The following C4orf51 variants were observed in gnomAD, a reference collection of about 807,000 sequenced individuals.
C4orf51 encodes chromosome 4 open reading frame 51, also known as uncharacterized protein C4orf51.
A neutral mutation model predicts 25.2 loss-of-function variants in C4orf51; 25 were observed. That is an observed-to-expected ratio of 0.99 (90% CI 0.72 to 1.39). The LOEUF is 1.39. Ranked by LOEUF, C4orf51 falls within the 40% of genes most tolerant of loss-of-function variation. C4orf51 has a pLI of 0.00. For missense variants in C4orf51, 252 were observed against 239.6 expected (o/e 1.05, Z -0.34); for synonymous variants, 100 against 84.5 (o/e 1.18, Z -1.01).
chr4:145,718,755 C>T (rs1731555263), intron 2 of C4orf51, among the ~76,000 whole-genome samples: 1 of 152,238 alleles, frequency 6.6e-6, no homozygotes, highest in Non-Finnish European at 1.5e-5. Context: ...CTTCTCCCAC[C>T]TTTGCTCATC....
the C4orf51 span, among the ~76,000 whole-genome samples, chr4:145,785,962 G>C: frequency 6.6e-6 from 1 of 152,300 alleles, no homozygotes; most frequent in Non-Finnish European, 1.5e-5. Flanking sequence ...AGAGATGTTA[G>C]AAAGTGTAAT....
At chr4:145,687,818 T>A (rs1208633100) in intron 1 of C4orf51, among the ~76,000 whole-genome samples, 1 of 152,030 alleles carries the variant, frequency 6.6e-6, no homozygotes, top group Non-Finnish European at 1.5e-5. Flanking sequence ...ATAGCAGCAA[T>A]ACAAAAGTAA....
downstream of C4orf51, among the ~76,000 whole-genome samples, chr4:145,737,629 C>T (rs1296098733): frequency 6.6e-6 from 1 of 152,164 alleles, no homozygotes; most frequent in African/African-American, 2.4e-5. Flanking sequence ...TGCTCTCTCT[C>T]TCTGCATGTT....
At position 145,762,226 on chromosome 4, in the gene C4orf51, A is replaced by G. The variant is rs1293989937; in HGVS notation, n.167-8762A>G. ...GTACATATCTATGTACTCGTAAAAC[A>G]TATCTCCCTACAGGACTAGCTCTTT... is the stretch of plus-strand genomic sequence containing the variant. On this transcript the variant is annotated intron_variant and non_coding_transcript_variant, in intron 1 of 1. Transcript: ENST00000510096. This position sits in a 1 kb window ranked among gnomAD's most constrained non-coding sequence, Gnocchi z 4.9. Among the ~76,000 whole-genome samples, 1 of 152,088 alleles carries G rather than the reference A, an allele frequency of 6.6e-6. No individual in the cohort carries two copies. Among genetic ancestry groups the G allele is most frequent in the Non-Finnish European group, 1.5e-5 (1 of 68,026 alleles).
chr4:145,770,324 A>AAATG (rs1736064222), intron 1 of C4orf51, among the ~76,000 whole-genome samples: 1 of 145,406 alleles, frequency 6.9e-6, no homozygotes, highest in Non-Finnish European at 1.5e-5. Context: ...ATAAATAAAT[A>AAATG]AATAAATAAA....
chr4:145,781,113 G>A, the C4orf51 span, among the ~76,000 whole-genome samples: 3 of 149,622 alleles, frequency 2.0e-5, no homozygotes, highest in African/African-American at 7.4e-5. Flanking sequence ...GAAGAATGGC[G>A]TGAACCCGGG....
At chr4:145,764,324 T>G (rs1331217099) in intron 1 of C4orf51, among the ~76,000 whole-genome samples, 3 of 152,216 alleles carry the variant, frequency 2.0e-5, no homozygotes, top group Admixed American at 2.0e-4. Flanking sequence ...GGTGTTTTAT[T>G]CCTGTGTGCC....
intron 1 of C4orf51, among the ~76,000 whole-genome samples, chr4:145,769,069 T>C (rs999087254): frequency 1.3e-5 from 2 of 150,968 alleles, no homozygotes; most frequent in African/African-American, 4.9e-5. Context: ...AAGGAAGAAA[T>C]ATGTACCCAC....
At chr4:145,751,872 T>C (rs1733696270) in intron 1 of C4orf51, among the ~76,000 whole-genome samples, 1 of 152,150 alleles carries the variant, frequency 6.6e-6, no homozygotes, top group Non-Finnish European at 1.5e-5. Context: ...CCTTCCCACT[T>C]TTCCTTTCCC....
rs1381679375 is a variant in C4orf51 at position 145,762,326 on chromosome 4, A to C, written n.167-8662A>C. On this transcript the variant is annotated intron_variant and non_coding_transcript_variant, in intron 1 of 1. Coordinates refer to the C4orf51 transcript ENST00000510096. The surrounding 1 kb of genome is among the most constrained non-coding windows in gnomAD (Gnocchi z 4.9). ...AGCCCACCCAACGGCCCATCTGCTAATGAGGAAGGGAGGAGGGAGGGAGAC... is the reference window on the plus strand; with the variant it reads ...AGCCCACCCAACGGCCCATCTGCTACTGAGGAAGGGAGGAGGGAGGGAGAC... 6.6e-6 allele frequency among the ~76,000 whole-genome samples: 1 copy of C among 152,198 alleles called. No homozygotes were observed.
chr4:145,782,691 T>TG, the C4orf51 span, among the ~76,000 whole-genome samples: 1 of 152,172 alleles, frequency 6.6e-6, no homozygotes, highest in African/African-American at 2.4e-5. Flanking sequence ...CATCATGTCT[T>TG]GTTCTGTATG....
At chr4:145,724,948 C>T (rs1490434827) in intron 2 of C4orf51, among the ~76,000 whole-genome samples, 4 of 148,000 alleles carry the variant, frequency 2.7e-5, no homozygotes, top group East Asian at 2.0e-4. Context: ...ACAATGATAT[C>T]GTATGTTCTC....
chr4:145,729,314 T>C, intron 4 of C4orf51, 85 bp downstream of exon 4: 1 of 923,744 alleles, frequency 1.1e-6, no homozygotes, highest in Non-Finnish European at 1.6e-6. Context: ...TTTTTTTTTT[T>C]TTTTTTTGAG....
At chr4:145,680,902 A>G (rs936507356) in intron 1 of C4orf51, among the ~76,000 whole-genome samples, 1 of 152,164 alleles carries the variant, frequency 6.6e-6, no homozygotes, top group South Asian at 2.1e-4. Context: ...CCCATAATCA[A>G]AAAAATTAAC....
At chr4:145,777,509 G>A in the C4orf51 span, among the ~76,000 whole-genome samples, 2,033 of 152,080 alleles carry the variant, frequency 0.013, 41 homozygotes, top group African/African-American at 0.046. Flanking sequence ...CCCCACTTTG[G>A]GTCAATTTTA....
downstream of C4orf51, among the ~76,000 whole-genome samples, chr4:145,755,178 G>C (rs1733871391): frequency 6.6e-6 from 1 of 152,154 alleles, no homozygotes; most frequent in South Asian, 2.1e-4. Flanking sequence ...TATTAGAGTG[G>C]GAAGGGGCCT....
chr4:145,774,429 GC>G, downstream of C4orf51: 1 of 1,499,342 alleles, frequency 6.7e-7, no homozygotes, highest in Non-Finnish European at 9.1e-7. Context: ...CAGTGGGGAT[GC>G]TTCGGCCAGG....
chr4:145,724,617 C>T (rs1455587916), intron 2 of C4orf51, among the ~76,000 whole-genome samples: 1 of 152,144 alleles, frequency 6.6e-6, no homozygotes, highest in Non-Finnish European at 1.5e-5. Context: ...CACCATGGCT[C>T]ATGCCTGTAA....
In C4orf51 at chr4:145,762,784, A is replaced by T. The variant is rs972834266; in HGVS notation, n.167-8204A>T. ...TTTTAGAAGCTGCCAGGCTGGAGTC[A>T]GTGGCTTATATGAGAACTGTAGTGT... On this transcript the variant is annotated intron_variant and non_coding_transcript_variant, in intron 1 of 1. Coordinates refer to the C4orf51 transcript ENST00000510096. The surrounding 1 kb of genome is among the most constrained non-coding windows in gnomAD (Gnocchi z 4.9). 6.6e-6 allele frequency among the ~76,000 whole-genome samples: 1 copy of T among 152,236 alleles called. No individual in the cohort carries two copies. The highest frequency in any genetic ancestry group is 1.5e-5 in the Non-Finnish European group (1 of 68,036).
Sources: gnomAD v4.1 joint callset for allele counts (sites outside exome capture counted in the v4.1 genomes callset) on GRCh38, gnomAD v4.1.1 for gene constraint, Gnocchi (gnomAD v3.1) non-coding constraint, MANE v1.5 for transcripts, NCBI Gene and HGNC (gene_info 2026-07-23, HGNC 2026-07-21) for gene names.